TVP23C: variants seen among roughly 807,000 people sequenced by gnomAD.
The protein encoded by TVP23C is trans-golgi network vesicle protein 23 homolog C, also known as Golgi apparatus membrane protein TVP23 homolog C.
In TVP23C, 19 loss-of-function variants were observed where a neutral mutation model predicts 28.7. The observed-to-expected ratio is 0.66, with a 90% CI of 0.46 to 0.97. TVP23C has a LOEUF of 0.97. TVP23C is among the 50% of genes least tolerant of loss of function. TVP23C has a pLI of 0.00. For synonymous variants in TVP23C, 68 were observed against 81.7 expected (o/e 0.83, Z 0.90); for missense variants, 186 against 241.3 (o/e 0.77, Z 1.52).
At chr17:15,507,083 C>T (rs937761520) in intron 5 of TVP23C, 2 of 1,127,798 alleles carry the variant, frequency 1.8e-6, no homozygotes, top group African/African-American at 3.1e-5. Context: ...CATAATGGCA[C>T]TGGTGCCTCT....
At chr17:15,503,963 A>C (rs1981607166) in intron 5 of TVP23C, among the ~76,000 whole-genome samples, 1 of 152,124 alleles carries the variant, frequency 6.6e-6, no homozygotes. Context: ...CAAAGCCAGG[A>C]AGCTAGGCAC....
chr17:15,552,791 A>C (rs145053790), intron 3 of TVP23C, among the ~76,000 whole-genome samples: 4,140 of 152,260 alleles, frequency 0.027, 188 homozygotes, highest in African/African-American at 0.093. Flanking sequence ...GAAACTCCAA[A>C]ATCAGCCTTT....
intron 5 of TVP23C, among the ~76,000 whole-genome samples, chr17:15,512,564 T>C (rs557323610): frequency 6.6e-6 from 1 of 152,288 alleles, no homozygotes; most frequent in East Asian, 1.9e-4. Context: ...TGAAATCCAG[T>C]CCCCAAGTGG....
At chr17:15,503,310 T>C (rs1444972399) in intron 5 of TVP23C, 2 of 1,428,562 alleles carry the variant, frequency 1.4e-6, no homozygotes, top group Admixed American at 2.8e-5. Context: ...CAGGCCGAGA[T>C]GGGAGGATCG....
downstream of TVP23C, among the ~76,000 whole-genome samples, chr17:15,532,539 T>C (rs898618962): frequency 6.6e-6 from 1 of 152,230 alleles, no homozygotes; most frequent in Non-Finnish European, 1.5e-5. Context: ...ACAGGACAAG[T>C]TAAAACACCA....
At chr17:15,510,751 C>T (rs1297566990) in intron 5 of TVP23C, among the ~76,000 whole-genome samples, 1 of 152,034 alleles carries the variant, frequency 6.6e-6, no homozygotes, top group Non-Finnish European at 1.5e-5. Context: ...TATCACTGGC[C>T]CTTTTTATTT....
rs1983288658 is a variant in TVP23C, at chr17:15,539,097, G to A, written c.*1315C>T. 1.0e-6 allele frequency: 1 copy of A among 977,968 alleles called. No homozygotes were observed. The allele number at this position is 977,968 out of a possible 1,614,324, so 60.6% of individuals were successfully genotyped here. On this transcript the variant is annotated 3_prime_UTR_variant, in exon 6 of 6. Transcript: ENST00000518321. ...TTAGTTATCTAAAATGTAATCCCTG[G>A]ACCAGTGCCCTCAGTACCACCCAGA... is the stretch of plus-strand genomic sequence containing the variant.
chr17:15,542,812 A>G (rs1983476481), intron 5 of TVP23C, among the ~76,000 whole-genome samples: 1 of 152,136 alleles, frequency 6.6e-6, no homozygotes, highest in South Asian at 2.1e-4. Flanking sequence ...AATTTTGTGA[A>G]TTTTTGCATG....
At position 15,557,608 on chromosome 17, in the gene TVP23C, T is replaced by C. The variant is rs368685626; in HGVS notation, c.13-2244A>G. Among the ~76,000 whole-genome samples the C allele has an allele frequency of 2.0e-3, 299 of 147,258 alleles. 12 individuals are homozygous for C. The East Asian group carries it at 0.049, about 24-fold the overall frequency. On this transcript the variant is annotated intron_variant, in intron 1 of 5. Transcript: ENST00000518321. Reference sequence around the variant, plus strand: ...GCCACCACGCCCAACCAAGACTGTCTTTGCATTGTAGTAAATCCTAGTGTC... The same window carrying C: ...GCCACCACGCCCAACCAAGACTGTCCTTGCATTGTAGTAAATCCTAGTGTC...
intron 3 of TVP23C, among the ~76,000 whole-genome samples, chr17:15,550,942 A>G (rs942106932): frequency 1.3e-5 from 2 of 152,146 alleles, no homozygotes; most frequent in African/African-American, 4.8e-5. Flanking sequence ...TACATTTCCT[A>G]TTATAATGAA....
chr17:15,507,256 G>A (rs1440834205), intron 5 of TVP23C: 2 of 739,788 alleles, frequency 2.7e-6, no homozygotes, highest in Middle Eastern at 2.7e-4. Flanking sequence ...GGCAAGGTGA[G>A]AGAAGGCATG....
intron 5 of TVP23C, among the ~76,000 whole-genome samples, chr17:15,528,622 T>C (rs1982824551): frequency 6.6e-6 from 1 of 151,568 alleles, no homozygotes; most frequent in South Asian, 2.1e-4. Context: ...TTTTTGTTTG[T>C]TTGAGATGGA....
intron 5 of TVP23C, among the ~76,000 whole-genome samples, chr17:15,515,857 G>C (rs1982203405): frequency 6.6e-6 from 1 of 152,162 alleles, no homozygotes; most frequent in Non-Finnish European, 1.5e-5. Context: ...CCCTAATGCT[G>C]GAGGTGGGGC....
At chr17:15,507,082 A>G (rs908883218) in intron 5 of TVP23C, 1 of 1,136,664 alleles carries the variant, frequency 8.8e-7, no homozygotes, top group African/African-American at 1.5e-5. Flanking sequence ...CCATAATGGC[A>G]CTGGTGCCTC....
At chr17:15,524,292 TC>T (rs1982625291) in intron 5 of TVP23C, among the ~76,000 whole-genome samples, 1 of 152,052 alleles carries the variant, frequency 6.6e-6, no homozygotes, top group African/African-American at 2.4e-5. Flanking sequence ...CCATTTTGCC[TC>T]CCCCTACTCC....
At position 15,560,058 on chromosome 17, in the gene TVP23C, G is replaced by GT. The variant is rs575365307; in HGVS notation, c.12+3378dup. On this transcript the variant is annotated intron_variant, in intron 1 of 5. Coordinates refer to ENST00000518321, the MANE Select transcript of TVP23C (RefSeq NM_001135036.2). ...AGATGAAAACCAAAGAGAGACCACT[G>GT]TATTTTTTTTTCTTTTTTTTGAGAC... 1.4e-3 allele frequency among the ~76,000 whole-genome samples: 211 copies of GT among 149,370 alleles called. 4 individuals are homozygous for GT. Among genetic ancestry groups the GT allele is most frequent in the African/African-American group, 4.6e-3 (192 of 41,326 alleles).
chr17:15,528,827 AC>A, intron 5 of TVP23C, among the ~76,000 whole-genome samples: 1 of 151,290 alleles, frequency 6.6e-6, no homozygotes, highest in East Asian at 2.0e-4. Context: ...CGAACTCCTG[AC>A]CTCAAGTGAC....
At chr17:15,545,698 G>A in intron 5 of TVP23C, 87 bp downstream of exon 5, 12 of 1,512,166 alleles carry the variant, frequency 7.9e-6, no homozygotes, top group Admixed American at 2.2e-5. Context: ...GGTCCCTAAT[G>A]ATAAGGACTC....
At chr17:15,529,525 G>C (rs931153321) in intron 5 of TVP23C, among the ~76,000 whole-genome samples, 5 of 151,884 alleles carry the variant, frequency 3.3e-5, no homozygotes, top group Non-Finnish European at 5.9e-5. Context: ...TTCATGTTGT[G>C]GGATTTTTTA....
Sources: gnomAD v4.1 joint callset for allele counts (sites outside exome capture counted in the v4.1 genomes callset) on GRCh38, gnomAD v4.1.1 for gene constraint, MANE v1.5 for transcripts, NCBI Gene and HGNC (gene_info 2026-07-23, HGNC 2026-07-21) for gene names.